Variants in ACSM2B observed in about 807,000 individuals in gnomAD.
ACSM2B encodes the protein acyl-coenzyme A synthetase ACSM2B, mitochondrial.
Under a neutral mutation model 78.6 loss-of-function variants are expected in ACSM2B, and 58 were observed. That is an observed-to-expected ratio of 0.74 (90% CI 0.60 to 0.92). ACSM2B has a LOEUF of 0.92. Among genes scored for constraint, ACSM2B ranks in the 40% least tolerant of loss-of-function variants. The probability of loss-of-function intolerance (pLI) is 0.00; values close to 1 mark genes in which losing one functional copy is unlikely to be tolerated. For synonymous variants in ACSM2B, 257 were observed against 256.8 expected (o/e 1.00, Z -0.01); for missense variants, 688 against 711.2 (o/e 0.97, Z 0.37).
intron 13 of ACSM2B, 115 bp downstream of exon 13, chr16:20,540,539 G>A (rs1244906897): frequency 1.8e-5 from 27 of 1,509,038 alleles, no homozygotes; most frequent in East Asian, 4.8e-5. Flanking sequence ...CACCATGTCC[G>A]GCCCAGGAAG....
In ACSM2B at chr16:20,576,231, T is replaced by G. The variant is rs543451368; in HGVS notation, c.-33A>C. The G allele has an allele frequency of 2.1e-4, 32 of 152,042 alleles. No homozygotes were observed. The highest frequency in any genetic ancestry group is 7.8e-4 in the African/African-American group (32 of 41,238). The allele number at this position is 152,042 out of a possible 1,614,324, so 9.4% of individuals were successfully genotyped here. ...CCTGCCAAGTCCTCTCAGGATGTCT[T>G]TCTGGAGAGAGCTTCGTCCACCCTC... On this transcript the variant is annotated 5_prime_UTR_variant, in exon 1 of 14. Transcript: ENST00000329697.
chr16:20,540,139 G>A (rs1210187804), intron 13 of ACSM2B, among the ~76,000 whole-genome samples: 1 of 152,158 alleles, frequency 6.6e-6, no homozygotes, highest in East Asian at 1.9e-4. Context: ...TGAGTCAAAA[G>A]CTGAGGTCAT....
chr16:20,556,656 G>C (rs775171569), intron 3 of ACSM2B, among the ~76,000 whole-genome samples: 1 of 152,164 alleles, frequency 6.6e-6, no homozygotes, highest in Non-Finnish European at 1.5e-5. Flanking sequence ...TTCATTATTT[G>C]TGAAGCTTAA....
intron 2 of ACSM2B, among the ~76,000 whole-genome samples, chr16:20,559,842 T>G (rs1596726043): frequency 6.6e-6 from 1 of 151,076 alleles, no homozygotes; most frequent in East Asian, 1.9e-4. Flanking sequence ...AGAATAACAT[T>G]GGATCCTCTC....
chr16:20,562,317 C>A (rs1435998243), intron 2 of ACSM2B, among the ~76,000 whole-genome samples: 1 of 151,994 alleles, frequency 6.6e-6, no homozygotes, highest in African/African-American at 2.4e-5. Context: ...CTCATGTATC[C>A]TCAGGGGTTC....
intron 1 of ACSM2B, 122 bp from the exon 2 acceptor site, chr16:20,564,975 A>C (rs948543841): frequency 7.4e-7 from 1 of 1,355,704 alleles, no homozygotes; most frequent in African/African-American, 1.6e-5. Context: ...AATTTGCTGT[A>C]GTTATGAGTA....
chr16:20,539,401 T>TTC (rs1267584885), intron 13 of ACSM2B, among the ~76,000 whole-genome samples: 32 of 112,400 alleles, frequency 2.8e-4, no homozygotes, highest in Admixed American at 1.7e-3. Flanking sequence ...TAGACTCAAT[T>TTC]TTTTTTCTTT....
chr16:20,558,993 T>A (rs1364466879), intron 3 of ACSM2B, among the ~76,000 whole-genome samples: 1 of 152,206 alleles, frequency 6.6e-6, no homozygotes, highest in Admixed American at 6.5e-5. Flanking sequence ...GTTTAAGAGC[T>A]TTCTCCAAAG....
intron 1 of ACSM2B, chr16:20,575,394 A>G (rs1220377958): frequency 6.6e-6 from 1 of 151,822 alleles, no homozygotes; most frequent in African/African-American, 2.4e-5. Context: ...CTGTATATAT[A>G]TATACAGTTT....
In ACSM2B at chr16:20,542,901, G is replaced by C. The variant is rs1012899735; in HGVS notation, c.1509+13C>G. ...CATATCTGTTCACCCCCAGGCTACT[G>C]CTTCCCCATCACCTCTCCTCGGACG... is the stretch of plus-strand genomic sequence containing the variant. On this transcript the variant is annotated intron_variant, in intron 12 of 13. Transcript: ENST00000329697. The C allele has an allele frequency of 1.9e-6, 3 of 1,613,460 alleles. No individual in the cohort carries two copies. The Admixed American group carries it at 5.0e-5, about 27-fold the overall frequency.
At chr16:20,561,733 C>T (rs1449122600) in intron 2 of ACSM2B, among the ~76,000 whole-genome samples, 1 of 151,428 alleles carries the variant, frequency 6.6e-6, no homozygotes, top group Non-Finnish European at 1.5e-5. Flanking sequence ...TATTACTATA[C>T]TTTAAGTTTC....
chr16:20,551,059 A>T (rs961233098), intron 6 of ACSM2B, among the ~76,000 whole-genome samples: 3 of 152,210 alleles, frequency 2.0e-5, no homozygotes, highest in Admixed American at 2.0e-4. Context: ...TCTCACAGAG[A>T]ATATTTTGAG....
At chr16:20,548,500 T>C (rs2015212050) in intron 6 of ACSM2B, 27 bp from the exon 7 acceptor site, 2 of 1,613,348 alleles carry the variant, frequency 1.2e-6, no homozygotes, top group Admixed American at 1.7e-5. Flanking sequence ...AGGTGAGACA[T>C]TGGTCACCAG....
At chr16:20,544,185 G>A in intron 10 of ACSM2B, among the ~76,000 whole-genome samples, 1 of 152,204 alleles carries the variant, frequency 6.6e-6, no homozygotes, top group Non-Finnish European at 1.5e-5. Context: ...TGGAGAAGGG[G>A]ACAGTGTGGC....
At chr16:20,548,584 A>G in intron 6 of ACSM2B, 111 bp from the exon 7 acceptor site, 2 of 1,577,186 alleles carry the variant, frequency 1.3e-6, no homozygotes, top group Admixed American at 3.6e-5. Context: ...CTGGATGAAA[A>G]CCCTAGCTTG....
rs1332308026 is a variant in ACSM2B, at chr16:20,564,284, GA to G, written c.177+384del. On this transcript the variant is annotated intron_variant, in intron 2 of 13. Transcript: ENST00000329697. ...AATTTTGTTTTAAACATTTTTGGTA[GA>G]GACAGAGTCTCGCTGTGTTGCCCAG... 4.0e-5 allele frequency among the ~76,000 whole-genome samples: 6 copies of G among 151,690 alleles called. No individual in the cohort carries two copies. The East Asian group carries it at 1.2e-3, about 30-fold the overall frequency.
At chr16:20,545,037 G>T in intron 10 of ACSM2B, 120 bp downstream of exon 10, 3 of 1,318,570 alleles carry the variant, frequency 2.3e-6, no homozygotes, top group Non-Finnish European at 3.0e-6. Flanking sequence ...TTGAAAACTG[G>T]ACACTCTTTG....
At chr16:20,569,367 T>C (rs923090776) in intron 1 of ACSM2B, among the ~76,000 whole-genome samples, 6 of 152,028 alleles carry the variant, frequency 3.9e-5, no homozygotes, top group African/African-American at 1.4e-4. Flanking sequence ...GAAGATAAGT[T>C]GACTGTAAAT....
Position 20,540,214 on chromosome 16 carries a change from T to G in ACSM2B, c.1629+440A>C, listed in dbSNP as rs542204820. Among the ~76,000 whole-genome samples, 54 of 66,400 alleles carry G rather than the reference T, an allele frequency of 8.1e-4. 1 individual carries two copies. The highest frequency in any genetic ancestry group is 1.3e-3 in the Non-Finnish European group (36 of 27,758). The allele number at this position is 66,400 out of a possible 152,430, so 43.6% of individuals were successfully genotyped here. ...GCTTTCTTGAGCATAGGAAGAGTTG[T>G]TTTTTTTTTGTTTTTTTTTTTTGTT... On this transcript the variant is annotated intron_variant, in intron 13 of 13. Transcript: ENST00000329697.
Sources: allele counts gnomAD v4.1 joint callset (sites outside exome capture counted in the v4.1 genomes callset), GRCh38; gene constraint gnomAD v4.1.1; transcripts MANE v1.5; gene names NCBI Gene and HGNC (gene_info 2026-07-23, HGNC 2026-07-21).